SETD5: variants seen among roughly 807,000 people sequenced by gnomAD.
SETD5 encodes the protein histone-lysine N-methyltransferase SETD5.
In SETD5, 44 loss-of-function variants were observed where a neutral mutation model predicts 153.3. The observed-to-expected ratio is 0.29, with a 90% CI of 0.23 to 0.37. The LOEUF (loss-of-function observed/expected upper bound fraction) is 0.37, where lower values mean the gene tolerates loss of function less well. Among genes scored for constraint, SETD5 ranks in the 10% least tolerant of loss-of-function variants. The pLI, the probability that SETD5 is intolerant of heterozygous loss-of-function variation, is 1.00. For missense variants in SETD5, 1,544 were observed against 1,768.0 expected (o/e 0.87, Z 2.27); for synonymous variants, 716 against 645.2 (o/e 1.11, Z -1.66).
chr3:9,445,579 GTTTTA>G, intron 12 of SETD5, 73 bp from the exon 13 acceptor site: 1 of 1,295,952 alleles, frequency 7.7e-7, no homozygotes, highest in East Asian at 2.3e-5. Context: ...GTTATAGAGA[GTTTTA>G]AGCTACCAGA....
At chr3:9,436,914 G>T (rs1163031106) in intron 7 of SETD5, 1 of 1,547,754 alleles carries the variant, frequency 6.5e-7, no homozygotes, top group Non-Finnish European at 8.7e-7. Flanking sequence ...CGCTGATGCT[G>T]TGTTTTACTT....
At chr3:9,471,375 G>A (rs1271593409) in intron 19 of SETD5, among the ~76,000 whole-genome samples, 2 of 152,222 alleles carry the variant, frequency 1.3e-5, no homozygotes, top group Non-Finnish European at 2.9e-5. Context: ...CAGTTTGAGA[G>A]AGAAGGCTGG....
intron 21 of SETD5, chr3:9,474,801 T>G: frequency 3.1e-6 from 2 of 648,050 alleles, no homozygotes; most frequent in Non-Finnish European, 5.2e-6. Context: ...AAGGAATACC[T>G]TTCTGTAACT....
rs568271855 is a variant in SETD5 at position 9,448,075 on chromosome 3, A to G, written c.2103+69A>G. 3.1e-4 allele frequency: 456 copies of G among 1,462,086 alleles called. 2 individuals are homozygous for G. Among genetic ancestry groups the G allele is most frequent in the Admixed American group, 4.9e-4 (21 of 42,964 alleles). 90.6% of individuals were successfully genotyped at this position (1,462,086 alleles called of 1,614,324 possible). On this transcript the variant is annotated intron_variant, in intron 15 of 22. Transcript: ENST00000402198. The stretch of plus-strand genomic sequence containing the variant: ...CTGTCTTAGTGAAATGAGAGGACCT[A>G]TAATCCCTAGAAGAAACTAATCTCA...
Position 9,434,650 on chromosome 3 carries a change from A to G in SETD5, c.329+165A>G. On this transcript the variant is annotated intron_variant, in intron 5 of 22. Transcript: ENST00000402198. The surrounding 1 kb of genome is among the most constrained non-coding windows in gnomAD (Gnocchi z 5.6). Reference sequence around the variant, plus strand: ...CACTAGGTGAGAATTGCTGACAACAAGGAATGAGAGATTGATGTTAAAGCT... The same window carrying G: ...CACTAGGTGAGAATTGCTGACAACAGGGAATGAGAGATTGATGTTAAAGCT... 1.4e-6 allele frequency: 2 copies of G among 1,470,058 alleles called. No individual in the cohort carries two copies. Among genetic ancestry groups the G allele is most frequent in the Non-Finnish European group, 1.8e-6 (2 of 1,111,484 alleles). The allele number at this position is 1,470,058 out of a possible 1,614,324, so 91.1% of individuals were successfully genotyped here. A position where few individuals can be genotyped will look rare whatever the true frequency, so the allele number is the denominator to read the frequency against.
intron 3 of SETD5, chr3:9,433,358 T>C: frequency 1.6e-6 from 2 of 1,289,546 alleles, no homozygotes; most frequent in Non-Finnish European, 2.0e-6. Context: ...TTTTTACCTG[T>C]ACTTTCTTCA....
chr3:9,428,959 G>A lies in SETD5; in HGVS notation c.21G>A (p.Leu7=). 1 of 1,613,208 alleles carries A rather than the reference G, an allele frequency of 6.2e-7. No homozygotes were observed. The highest frequency in any genetic ancestry group is 8.5e-7 in the Non-Finnish European group (1 of 1,179,546). The part of the protein sequence containing the change: MSIAIP[L]GVTTSDTSYS... ...ACGTCATGAGCATTGCAATCCCTCT[G>A]GGAGTCACCACATCAGATACATCCT... Residue 7 remains leucine, a synonymous_variant, in exon 3 of 23, where the codon CTG becomes CTA. Transcript: ENST00000402198.
chr3:9,435,909 A>G lies in SETD5; in HGVS notation c.567+3A>G, dbSNP rs1355754403. On this transcript the variant is annotated splice_donor_region_variant and intron_variant, in intron 7 of 22. Coordinates refer to ENST00000402198, the MANE Select transcript of SETD5 (RefSeq NM_001080517.3). ...CACCAAAGACGAAGAAAATCAAGGT[A>G]TGCAGGGTAAAAATATCTTAAATAG... 7.0e-6 allele frequency: 11 copies of G among 1,567,902 alleles called. No homozygotes were observed. In the South Asian group the frequency reaches 1.1e-4, roughly 15 times the overall value.
intron 1 of SETD5, among the ~76,000 whole-genome samples, chr3:9,416,793 G>A (rs2037537963): frequency 6.6e-6 from 1 of 152,072 alleles, no homozygotes; most frequent in East Asian, 1.9e-4. Context: ...CTGGTATTTT[G>A]GGGATTTTGC....
chr3:9,473,208 T>A, intron 19 of SETD5, 28 bp from the exon 20 acceptor site: 2 of 1,601,968 alleles, frequency 1.2e-6, no homozygotes, highest in Non-Finnish European at 1.7e-6. Flanking sequence ...GAGTACCGTT[T>A]TTTGTTTGTT....
chr3:9,455,164 T>TTTC (rs2043079727), intron 17 of SETD5, among the ~76,000 whole-genome samples: 1 of 141,530 alleles, frequency 7.1e-6, no homozygotes, highest in Admixed American at 7.2e-5. Flanking sequence ...TTTTTTCTTT[T>TTTC]TTTCTTTTTT....
At chr3:9,405,177 TACAG>T (rs1268743617) in intron 1 of SETD5, among the ~76,000 whole-genome samples, 1 of 152,212 alleles carries the variant, frequency 6.6e-6, no homozygotes, top group Non-Finnish European at 1.5e-5. Context: ...TTCTCAGCCT[TACAG>T]AAAGAAAGGT....
In SETD5 at chr3:9,425,051, G is replaced by GTTTTTTTTTTTTTTTT. The variant is rs1559380190; in HGVS notation, c.-117+528_-117+529insTTTTTTTTTTTTTTTT. On this transcript the variant is annotated intron_variant, in intron 2 of 22. Transcript: ENST00000402198. Reference sequence around the variant, plus strand: ...ATAGAAATTTATAGTTACCGACAATGTTTCTTTTTTTTTTTTTTTTTTTTT... The same window carrying GTTTTTTTTTTTTTTTT: ...ATAGAAATTTATAGTTACCGACAATGTTTTTTTTTTTTTTTTTTTCTTTTTTTTTTTTTTTTTTTTT... Among the ~76,000 whole-genome samples the GTTTTTTTTTTTTTTTT allele has an allele frequency of 3.1e-4, 28 of 91,412 alleles. 2 individuals are homozygous for GTTTTTTTTTTTTTTTT. Among genetic ancestry groups the GTTTTTTTTTTTTTTTT allele is most frequent in the African/African-American group, 1.3e-3 (26 of 19,924 alleles). The allele number at this position is 91,412 out of a possible 152,430, so 60.0% of individuals were successfully genotyped here.
rs2041379399 is a variant in SETD5, at chr3:9,442,239, T to C, written c.1071T>C (p.Asn357=). 2 of 1,608,554 alleles carry C rather than the reference T, an allele frequency of 1.2e-6. No homozygotes were observed. Among genetic ancestry groups the C allele is most frequent in the South Asian group, 1.1e-5 (1 of 90,668 alleles). The change falls in exon 10 of 23, where the codon AAT becomes AAC. Residue 357 remains asparagine (N), a synonymous_variant. Transcript: ENST00000402198. ...TCATCAGAAGATCATGTACACCAAA[T>C]GCAGAGGTAAGATATCTGTAGCAAC... is the stretch of plus-strand genomic sequence containing the variant. The part of the protein sequence containing the change: ...ARFIRRSCTP[N]AEVRHMIADG...
intron 17 of SETD5, among the ~76,000 whole-genome samples, chr3:9,463,839 A>AATT (rs1381226514): frequency 8.5e-5 from 13 of 152,212 alleles, no homozygotes; most frequent in Admixed American, 4.6e-4. Flanking sequence ...ACTCAATGTA[A>AATT]AAGAAAGAAC....
chr3:9,466,356 T>C (rs1437171663), intron 18 of SETD5, among the ~76,000 whole-genome samples: 1 of 150,950 alleles, frequency 6.6e-6, no homozygotes, highest in Admixed American at 6.6e-5. Context: ...GGTTCAGTAC[T>C]CAGTGTGTTC....
intron 16 of SETD5, among the ~76,000 whole-genome samples, chr3:9,452,528 T>C (rs1467295182): frequency 6.6e-6 from 1 of 152,202 alleles, no homozygotes; most frequent in African/African-American, 2.4e-5. Flanking sequence ...CTAAAATGTT[T>C]ACGTGATTCA....
intron 17 of SETD5, 81 bp from the exon 18 acceptor site, chr3:9,464,344 G>C: frequency 6.5e-7 from 1 of 1,529,452 alleles, no homozygotes; most frequent in Non-Finnish European, 8.8e-7. Flanking sequence ...AGCCATTGTA[G>C]ATTACAGATT....
intron 16 of SETD5, among the ~76,000 whole-genome samples, chr3:9,451,328 T>TA (rs935657879): frequency 4.6e-5 from 7 of 152,226 alleles, no homozygotes; most frequent in African/African-American, 1.7e-4. Context: ...TTATCTCACT[T>TA]ACCATGCATG....
Sources: gnomAD v4.1 joint callset for allele counts (sites outside exome capture counted in the v4.1 genomes callset) on GRCh38, gnomAD v4.1.1 for gene constraint, Gnocchi (gnomAD v3.1) non-coding constraint, MANE v1.5 for transcripts, NCBI Gene and HGNC (gene_info 2026-07-23, HGNC 2026-07-21) for gene names.